Variants in RAMP1 observed in about 807,000 individuals in gnomAD.
RAMP1 encodes the protein receptor activity-modifying protein 1.
In RAMP1, 7 loss-of-function variants were observed where a neutral mutation model predicts 8.2. The observed-to-expected ratio is 0.85, with a 90% confidence interval of 0.49 to 1.60. RAMP1 has a LOEUF of 1.60. Among genes scored for constraint, RAMP1 ranks in the 40% most tolerant of loss-of-function variants. The pLI, the probability that RAMP1 is intolerant of heterozygous loss-of-function variation, is 0.00. For synonymous variants in RAMP1, 92 were observed against 84.7 expected (o/e 1.09, Z -0.47); for missense variants, 192 against 202.4 (o/e 0.95, Z 0.31).
chr2:237,897,284 C>T (rs2062551171), intron 2 of RAMP1, among the ~76,000 whole-genome samples: 1 of 152,216 alleles, frequency 6.6e-6, no homozygotes, highest in Non-Finnish European at 1.5e-5. Context: ...CCAGACAGGC[C>T]ATGAGCGAGG....
At position 237,865,089 on chromosome 2, in the gene RAMP1, A is replaced by G. The variant is rs927052704; in HGVS notation, c.52+5362A>G. Among the ~76,000 whole-genome samples the G allele has an allele frequency of 6.6e-6, 1 of 152,098 alleles. No homozygotes were observed. The highest frequency in any genetic ancestry group is 1.5e-5 in the Non-Finnish European group (1 of 68,006). Reference sequence around the variant, plus strand: ...GGAGCCCTCAGCTGTGGCCCCCAGCATGGGCAGGAGGCCAGGCAAGGATAG... The same window carrying G: ...GGAGCCCTCAGCTGTGGCCCCCAGCGTGGGCAGGAGGCCAGGCAAGGATAG... On this transcript the variant is annotated intron_variant, in intron 1 of 2. Transcript: ENST00000254661. The surrounding 1 kb of genome is among the most constrained non-coding windows in gnomAD (Gnocchi z 4.2).
At chr2:237,864,855 G>A (rs1436605585) in intron 1 of RAMP1, among the ~76,000 whole-genome samples, 1 of 151,818 alleles carries the variant, frequency 6.6e-6, no homozygotes, top group Non-Finnish European at 1.5e-5. Flanking sequence ...AGTCCAGAGG[G>A]CAGAGGGCAA....
Position 237,859,673 on chromosome 2 carries a change from A to T in RAMP1, c.-3A>T. ...CGGACTCGACTCGGCACCGCTGTGC[A>T]CCATGGCCCGGGCCCTGTGCCGCCT... is the stretch of plus-strand genomic sequence containing the variant. On this transcript the variant is annotated 5_prime_UTR_variant, in exon 1 of 3. Transcript: ENST00000254661. The T allele has an allele frequency of 6.7e-7, 1 of 1,501,150 alleles. No homozygotes were observed. The highest frequency in any genetic ancestry group is 8.9e-7 in the Non-Finnish European group (1 of 1,125,992). The allele number at this position is 1,501,150 out of a possible 1,614,324, so 93.0% of individuals were successfully genotyped here. A position where few individuals can be genotyped will look rare whatever the true frequency, so the allele number is the denominator to read the frequency against.
At chr2:237,908,374 T>C (rs76744183) in intron 2 of RAMP1, among the ~76,000 whole-genome samples, 1 of 145,982 alleles carries the variant, frequency 6.9e-6, no homozygotes, top group African/African-American at 2.5e-5. Flanking sequence ...GTCTTGGGTG[T>C]GACTGTCCTG....
chr2:237,886,972 C>T (rs1003404145), intron 2 of RAMP1, among the ~76,000 whole-genome samples: 1 of 152,204 alleles, frequency 6.6e-6, no homozygotes, highest in Non-Finnish European at 1.5e-5. Context: ...CCCCAGAAAG[C>T]CCTAGAACCA....
At chr2:237,873,357 G>A (rs1420374362) in intron 1 of RAMP1, among the ~76,000 whole-genome samples, 3 of 152,216 alleles carry the variant, frequency 2.0e-5, no homozygotes, top group African/African-American at 7.2e-5. Context: ...TGTGCCTCTT[G>A]TCTCCTTAGA....
intron 2 of RAMP1, among the ~76,000 whole-genome samples, chr2:237,881,635 A>G (rs2062369289): frequency 6.6e-6 from 1 of 152,270 alleles, no homozygotes; most frequent in Non-Finnish European, 1.5e-5. Context: ...GTGATGTCTC[A>G]GCAGCATGTG....
intron 1 of RAMP1, among the ~76,000 whole-genome samples, chr2:237,875,288 C>G (rs919005663): frequency 4.6e-5 from 7 of 152,268 alleles, no homozygotes; most frequent in African/African-American, 1.7e-4. Flanking sequence ...CCCCAAGGTG[C>G]ACTCACAGTG....
chr2:237,910,956 G>A (rs550143413), intron 2 of RAMP1, among the ~76,000 whole-genome samples: 2 of 151,116 alleles, frequency 1.3e-5, no homozygotes, highest in East Asian at 3.9e-4. Flanking sequence ...CACACACAGA[G>A]TCACACACAG....
In RAMP1 at chr2:237,911,923, G is replaced by A. The variant is rs2062720615; in HGVS notation, c.*140G>A. The stretch of plus-strand genomic sequence containing the variant: ...TTCCAGCCAAGAAGAGCTCACAGGA[G>A]TCCAGAGTAGCCGAGGCTCTGGTAT... On this transcript the variant is annotated 3_prime_UTR_variant, in exon 3 of 3. Transcript: ENST00000254661. 1 of 1,332,200 alleles carries A rather than the reference G, an allele frequency of 7.5e-7. No individual in the cohort carries two copies. The highest frequency in any genetic ancestry group is 1.5e-5 in the African/African-American group (1 of 67,546). The allele number at this position is 1,332,200 out of a possible 1,614,324, so 82.5% of individuals were successfully genotyped here. A position where few individuals can be genotyped will look rare whatever the true frequency, so the allele number is the denominator to read the frequency against.
chr2:237,870,589 C>T (rs76587622), intron 1 of RAMP1, among the ~76,000 whole-genome samples: 1 of 152,098 alleles, frequency 6.6e-6, no homozygotes, highest in African/African-American at 2.4e-5. Context: ...TTTAGTTCAA[C>T]CTGTGTTTTA....
At position 237,872,765 on chromosome 2, in the gene RAMP1, G is replaced by A. The variant is rs146501802; in HGVS notation, c.53-4459G>A. ...ATGGTGGCCAGGCACTGTGGCTCAC[G>A]CCTGTAATCCCAGCACTGTGGGACG... On this transcript the variant is annotated intron_variant, in intron 1 of 2. Transcript: ENST00000254661. Among the ~76,000 whole-genome samples, 370 of 152,350 alleles carry A rather than the reference G, an allele frequency of 2.4e-3. 1 individual carries two copies. Among genetic ancestry groups the A allele is most frequent in the African/African-American group, 8.2e-3 (343 of 41,582 alleles).
At chr2:237,889,371 A>G (rs574026014) in intron 2 of RAMP1, among the ~76,000 whole-genome samples, 3 of 152,374 alleles carry the variant, frequency 2.0e-5, no homozygotes, top group Admixed American at 2.0e-4. Context: ...GTGGATGGAC[A>G]GAAATGTATT....
chr2:237,876,085 G>T (rs1030471416), intron 1 of RAMP1, among the ~76,000 whole-genome samples: 1 of 152,170 alleles, frequency 6.6e-6, no homozygotes, highest in African/African-American at 2.4e-5. Context: ...GCGGCTGTGT[G>T]TGAAGAGCTC....
chr2:237,901,750 G>A (rs1283805740), intron 2 of RAMP1, among the ~76,000 whole-genome samples: 3 of 152,182 alleles, frequency 2.0e-5, no homozygotes, highest in Admixed American at 2.0e-4. Context: ...GAGAGCCCGT[G>A]GTAGCTAAGC....
intron 2 of RAMP1, among the ~76,000 whole-genome samples, chr2:237,884,214 C>T (rs1057225633): frequency 6.6e-6 from 1 of 152,170 alleles, no homozygotes; most frequent in African/African-American, 2.4e-5. Flanking sequence ...TGAATGAGCT[C>T]AGCGGGGCCA....
At chr2:237,896,166 C>A (rs145295514) in intron 2 of RAMP1, among the ~76,000 whole-genome samples, 305 of 152,350 alleles carry the variant, frequency 2.0e-3, no homozygotes, top group South Asian at 4.3e-3. Flanking sequence ...CCTGGGACAC[C>A]CACTGCATTT....
chr2:237,876,990 C>A (rs555592702), intron 1 of RAMP1, among the ~76,000 whole-genome samples: 1 of 152,182 alleles, frequency 6.6e-6, no homozygotes, highest in East Asian at 1.9e-4. Flanking sequence ...TGCCCTGGCC[C>A]AAGCTGGCAC....
At chr2:237,860,470 C>T (rs2062121807) in intron 1 of RAMP1, among the ~76,000 whole-genome samples, 1 of 152,218 alleles carries the variant, frequency 6.6e-6, no homozygotes, top group South Asian at 2.1e-4. Context: ...GCCTCATGGC[C>T]ACAGGAACTG....
Sources: allele counts gnomAD v4.1 joint callset (sites outside exome capture counted in the v4.1 genomes callset), GRCh38; gene constraint gnomAD v4.1.1; non-coding constraint Gnocchi (gnomAD v3.1); transcripts MANE v1.5; gene names NCBI Gene and HGNC (gene_info 2026-07-23, HGNC 2026-07-21).